Variants in PTPRT observed in about 807,000 individuals in gnomAD.
PTPRT encodes the protein protein tyrosine phosphatase receptor type T.
A neutral mutation model predicts 176.8 loss-of-function variants in PTPRT; 56 were observed. The ratio of observed to expected loss-of-function variants is 0.32; its 90% confidence interval spans 0.26 to 0.40. The LOEUF is 0.40. PTPRT is among the 10% of genes least tolerant of loss of function. PTPRT has a pLI of 1.00. For synonymous variants in PTPRT, 783 were observed against 739.0 expected, an observed-to-expected ratio of 1.06 and a Z score of -0.96; for missense variants, 1,540 against 1,908.2, an observed-to-expected ratio of 0.81 and a Z score of 3.60.
At chr20:42,192,930 G>T (rs1412340788) in intron 16 of PTPRT, among the ~76,000 whole-genome samples, 1 of 152,146 alleles carries the variant, frequency 6.6e-6, no homozygotes, top group Non-Finnish European at 1.5e-5. Flanking sequence ...CCTTCCTGAG[G>T]CAGGAGTTTC....
intron 9 of PTPRT, among the ~76,000 whole-genome samples, chr20:42,386,882 A>T (rs2058750341): frequency 6.6e-6 from 1 of 152,100 alleles, no homozygotes; most frequent in Non-Finnish European, 1.5e-5. Context: ...AAAAAAAAAG[A>T]ATTATTATCT....
chr20:42,906,118 CA>C (rs1485142011), intron 1 of PTPRT, among the ~76,000 whole-genome samples: 2 of 152,086 alleles, frequency 1.3e-5, no homozygotes, highest in African/African-American at 2.4e-5. Flanking sequence ...CAGAAACACA[CA>C]AGCTGCTGGA....
intron 2 of PTPRT, among the ~76,000 whole-genome samples, chr20:42,876,632 T>C (rs1359085657): frequency 6.6e-6 from 1 of 152,170 alleles, no homozygotes; most frequent in Non-Finnish European, 1.5e-5. Context: ...ATGCCCCAGG[T>C]GCCACGAAAA....
chr20:42,204,665 GC>G (rs1174687781), intron 15 of PTPRT, among the ~76,000 whole-genome samples: 1 of 152,100 alleles, frequency 6.6e-6, no homozygotes, highest in Non-Finnish European at 1.5e-5. Flanking sequence ...TCTGACCTTC[GC>G]TTGTTAGCTG....
intron 7 of PTPRT, among the ~76,000 whole-genome samples, chr20:42,637,265 C>G (rs988391314): frequency 2.6e-5 from 4 of 152,144 alleles, no homozygotes; most frequent in African/African-American, 7.2e-5. Flanking sequence ...AATGGTTCAC[C>G]ACTGTCTCCT....
chr20:42,851,978 T>C (rs761897797), intron 2 of PTPRT, among the ~76,000 whole-genome samples: 6 of 152,230 alleles, frequency 3.9e-5, no homozygotes, highest in African/African-American at 1.4e-4. Context: ...AGTAAGTATT[T>C]ACATAGACAC....
intron 9 of PTPRT, among the ~76,000 whole-genome samples, chr20:42,430,521 C>A (rs1398373195): frequency 2.0e-5 from 3 of 152,202 alleles, no homozygotes; most frequent in African/African-American, 7.2e-5. Context: ...GCTTCAACCT[C>A]TTCTTCTGCA....
chr20:42,416,679 T>C (rs1020973509), intron 9 of PTPRT, among the ~76,000 whole-genome samples: 1 of 152,360 alleles, frequency 6.6e-6, no homozygotes, highest in Non-Finnish European at 1.5e-5. Flanking sequence ...AAAGGTGTTA[T>C]CTGTATTAGA....
chr20:42,246,368 T>C (rs2056451164), intron 14 of PTPRT, among the ~76,000 whole-genome samples: 1 of 152,162 alleles, frequency 6.6e-6, no homozygotes, highest in Non-Finnish European at 1.5e-5. Flanking sequence ...ACAAAATGTC[T>C]TATTTTCTTC....
At chr20:42,578,263 A>G (rs1444999450) in intron 7 of PTPRT, among the ~76,000 whole-genome samples, 1 of 152,108 alleles carries the variant, frequency 6.6e-6, no homozygotes, top group Admixed American at 6.5e-5. Context: ...TCCAGGACAC[A>G]CTCTATTATT....
chr20:42,440,544 C>A (rs2059304352), intron 9 of PTPRT, among the ~76,000 whole-genome samples: 1 of 150,532 alleles, frequency 6.6e-6, no homozygotes, highest in East Asian at 2.0e-4. Flanking sequence ...GTGGCACAAT[C>A]TTGGCTCACT....
At chr20:42,449,110 G>T (rs112252734) in intron 8 of PTPRT, among the ~76,000 whole-genome samples, 9 of 152,244 alleles carry the variant, frequency 5.9e-5, no homozygotes, top group African/African-American at 1.9e-4. Flanking sequence ...ACTAATTCCT[G>T]AATCCAACAT....
intron 2 of PTPRT, among the ~76,000 whole-genome samples, chr20:42,868,139 G>A (rs1306606126): frequency 6.6e-6 from 1 of 152,210 alleles, no homozygotes; most frequent in Admixed American, 6.5e-5. Context: ...AGAGATTCAT[G>A]CTGCAAAGAG....
intron 13 of PTPRT, among the ~76,000 whole-genome samples, chr20:42,274,221 G>A (rs1160061030): frequency 6.6e-6 from 1 of 152,180 alleles, no homozygotes; most frequent in South Asian, 2.1e-4. Context: ...CCATGTAAGT[G>A]GAAGTGGCAT....
intron 1 of PTPRT, among the ~76,000 whole-genome samples, chr20:43,088,501 C>G (rs1869212092): frequency 6.6e-6 from 1 of 152,084 alleles, no homozygotes; most frequent in Non-Finnish European, 1.5e-5. Context: ...ACCAAGTTCA[C>G]TGCTAGGAAT....
intron 11 of PTPRT, among the ~76,000 whole-genome samples, chr20:42,317,510 G>A (rs1366858448): frequency 2.0e-5 from 3 of 152,138 alleles, no homozygotes; most frequent in Admixed American, 6.6e-5. Context: ...GAATTAATGA[G>A]GTGGTTGCAG....
intron 1 of PTPRT, among the ~76,000 whole-genome samples, chr20:43,062,557 T>C (rs958749783): frequency 1.3e-5 from 2 of 152,252 alleles, no homozygotes; most frequent in Admixed American, 6.5e-5. Context: ...TCCTTACTAT[T>C]AGCTCTCCCT....
intron 19 of PTPRT, among the ~76,000 whole-genome samples, chr20:42,127,301 C>T (rs1378175102): frequency 6.6e-6 from 1 of 152,132 alleles, no homozygotes; most frequent in African/African-American, 2.4e-5. Context: ...CAGGGTACAG[C>T]CACTGCTGGA....
At chr20:42,837,123 A>G (rs1185824789) in intron 2 of PTPRT, among the ~76,000 whole-genome samples, 1 of 152,196 alleles carries the variant, frequency 6.6e-6, no homozygotes, top group Non-Finnish European at 1.5e-5. Flanking sequence ...GGCCCAAAGC[A>G]GGGACGTGGG....
Sources: gnomAD v4.1 joint callset for allele counts (sites outside exome capture counted in the v4.1 genomes callset) on GRCh38, gnomAD v4.1.1 for gene constraint, MANE v1.5 for transcripts, NCBI Gene and HGNC (gene_info 2026-07-23, HGNC 2026-07-21) for gene names.